NBEA: variants seen among roughly 807,000 people sequenced by gnomAD.
The protein encoded by NBEA is lysosomal-trafficking regulator 2.
In NBEA, 44 loss-of-function variants were observed where a neutral mutation model predicts 343.4. The observed-to-expected ratio is 0.13, with a 90% CI of 0.10 to 0.16. NBEA has a LOEUF of 0.16. Among genes scored for constraint, NBEA ranks in the 10% least tolerant of loss-of-function variants. The pLI, the probability that NBEA is intolerant of heterozygous loss-of-function variation, is 1.00. For missense variants in NBEA, 2,555 were observed against 3,631.3 expected (o/e 0.70, Z 7.62); for synonymous variants, 1,175 against 1,238.7 (o/e 0.95, Z 1.08).
At chr13:34,995,125 A>G (rs1171555387) in intron 1 of NBEA, among the ~76,000 whole-genome samples, 1 of 152,184 alleles carries the variant, frequency 6.6e-6, no homozygotes, top group Non-Finnish European at 1.5e-5. Context: ...ATTTTCCACA[A>G]CTAGGTAAAC....
chr13:35,317,027 T>A (rs2152837487), intron 36 of NBEA, among the ~76,000 whole-genome samples: 1 of 152,260 alleles, frequency 6.6e-6, no homozygotes, highest in East Asian at 1.9e-4. Context: ...GTCAGATGGA[T>A]AGATTGCAAA....
At chr13:35,663,714 G>C (rs1372422840) in intron 55 of NBEA, among the ~76,000 whole-genome samples, 1 of 151,972 alleles carries the variant, frequency 6.6e-6, no homozygotes, top group African/African-American at 2.4e-5. Flanking sequence ...CCTGCAGTGT[G>C]AAACATAATT....
In NBEA at chr13:35,660,613, T is replaced by C. The variant is rs560121769; in HGVS notation, c.8363-4472T>C. Among the ~76,000 whole-genome samples the C allele has an allele frequency of 2.2e-4, 34 of 152,268 alleles. No individual in the cohort carries two copies. The East Asian group carries it at 4.6e-3, about 21-fold the overall frequency. ...ATGCCTCAGCTCTGGACGCTGACCC[T>C]CCTGCCAGCCACAACCTGTCACCAA... On this transcript the variant is annotated intron_variant, in intron 55 of 58. Coordinates refer to ENST00000379939, the MANE Select transcript of NBEA (RefSeq NM_001385012.1).
chr13:35,425,265 C>T (rs2152926302), intron 38 of NBEA, among the ~76,000 whole-genome samples: 1 of 152,234 alleles, frequency 6.6e-6, no homozygotes. Context: ...ATCTTTCCTG[C>T]TTTCTCTTGT....
At chr13:35,082,099 A>G (rs2064438306) in intron 10 of NBEA, among the ~76,000 whole-genome samples, 1 of 151,916 alleles carries the variant, frequency 6.6e-6, no homozygotes, top group Non-Finnish European at 1.5e-5. Context: ...CCAGTGTGTG[A>G]TGTTCCCCTT....
chr13:35,462,211 C>T (rs1277061533), intron 40 of NBEA, among the ~76,000 whole-genome samples: 3 of 152,058 alleles, frequency 2.0e-5, no homozygotes, highest in African/African-American at 7.2e-5. Flanking sequence ...TAAAAAGACA[C>T]ATATGATCAA....
intron 38 of NBEA, among the ~76,000 whole-genome samples, chr13:35,383,806 A>G (rs1308162197): frequency 2.6e-5 from 4 of 152,132 alleles, no homozygotes; most frequent in African/African-American, 9.7e-5. Context: ...TGTTGGTAAA[A>G]TTTTTATCAG....
rs763636147 is a variant in NBEA at position 35,270,369 on chromosome 13, G to A, written c.5777-20020G>A. 9.6e-4 allele frequency among the ~76,000 whole-genome samples: 146 copies of A among 152,190 alleles called. 3 individuals carry two copies. The highest frequency in any genetic ancestry group is 4.9e-4 in the Non-Finnish European group (33 of 68,028). ...AATGGTTACAGACCACTTTCAAGATGGCTGAGTGGGAAAAGCTTTGGTCTA... is the reference window on the plus strand; with the variant it reads ...AATGGTTACAGACCACTTTCAAGATAGCTGAGTGGGAAAAGCTTTGGTCTA... On this transcript the variant is annotated intron_variant, in intron 34 of 58. Transcript: ENST00000379939.
At chr13:35,169,043 AT>A in intron 25 of NBEA, 48 bp downstream of exon 25, 3 of 1,372,512 alleles carry the variant, frequency 2.2e-6, no homozygotes, top group South Asian at 1.5e-5. Context: ...TTCAAGTTTT[AT>A]TTTTACTTAT....
intron 1 of NBEA, among the ~76,000 whole-genome samples, chr13:35,000,825 T>C (rs1593420534): frequency 6.6e-6 from 1 of 152,226 alleles, no homozygotes; most frequent in East Asian, 1.9e-4. Flanking sequence ...TAAGCAGATA[T>C]ACCAAAAATA....
chr13:35,244,855 TTTG>T (rs1447744414), intron 34 of NBEA, among the ~76,000 whole-genome samples: 3 of 151,974 alleles, frequency 2.0e-5, no homozygotes, highest in Non-Finnish European at 4.4e-5. Flanking sequence ...TATTTTATTT[TTTG>T]CAGCTATTGT....
At chr13:35,612,757 A>G (rs1424446978) in intron 48 of NBEA, among the ~76,000 whole-genome samples, 4 of 152,176 alleles carry the variant, frequency 2.6e-5, no homozygotes, top group Non-Finnish European at 5.9e-5. Flanking sequence ...TAATGTTGGT[A>G]TAAGCTAAAC....
intron 48 of NBEA, among the ~76,000 whole-genome samples, chr13:35,610,129 C>T (rs1358681700): frequency 6.6e-6 from 1 of 152,208 alleles, no homozygotes; most frequent in Non-Finnish European, 1.5e-5. Flanking sequence ...TCATAGCTCA[C>T]ACTGTCTTCT....
At chr13:35,664,216 G>C (rs1374546745) in intron 55 of NBEA, among the ~76,000 whole-genome samples, 1 of 152,124 alleles carries the variant, frequency 6.6e-6, no homozygotes, top group Non-Finnish European at 1.5e-5. Context: ...GCCAGCCCTG[G>C]AACATTTAAC....
chr13:35,577,087 A>C (rs559097066), intron 45 of NBEA, among the ~76,000 whole-genome samples: 30 of 152,322 alleles, frequency 2.0e-4, no homozygotes, highest in African/African-American at 7.0e-4. Context: ...CATTGGCTTC[A>C]TTCTCAAACA....
chr13:35,231,698 A>G (rs963286188), intron 33 of NBEA, among the ~76,000 whole-genome samples: 9 of 152,076 alleles, frequency 5.9e-5, no homozygotes, highest in Non-Finnish European at 1.2e-4. Context: ...TACTGCAATC[A>G]TCTTCATTTT....
chr13:35,590,769 C>T (rs1371273723), intron 46 of NBEA, among the ~76,000 whole-genome samples: 1 of 152,050 alleles, frequency 6.6e-6, no homozygotes, highest in Non-Finnish European at 1.5e-5. Flanking sequence ...ACATCAGCAT[C>T]CTGCAATAAT....
intron 1 of NBEA, among the ~76,000 whole-genome samples, chr13:35,029,892 A>C (rs2062144183): frequency 6.6e-6 from 1 of 151,692 alleles, no homozygotes. Flanking sequence ...ACACAAATTC[A>C]CTTAAGACTG....
intron 35 of NBEA, among the ~76,000 whole-genome samples, chr13:35,293,159 A>T (rs1416648848): frequency 6.6e-6 from 1 of 152,150 alleles, no homozygotes; most frequent in East Asian, 1.9e-4. Context: ...AGATCATATT[A>T]CAAGTGTCTG....
Sources: gnomAD v4.1 joint callset for allele counts (sites outside exome capture counted in the v4.1 genomes callset) on GRCh38, gnomAD v4.1.1 for gene constraint, MANE v1.5 for transcripts, NCBI Gene and HGNC (gene_info 2026-07-23, HGNC 2026-07-21) for gene names.